The following HAAO variants were observed in gnomAD, a reference collection of about 807,000 sequenced individuals.
HAAO encodes 3-hydroxyanthranilate 3,4-dioxygenase, also known as 3-hydroxyanthranilate oxygenase.
Under a neutral mutation model 46.2 loss-of-function variants are expected in HAAO, and 49 were observed. That is an observed-to-expected ratio of 1.06 (90% confidence interval 0.84 to 1.34). The LOEUF is 1.34. Ranked by LOEUF, HAAO falls within the 40% of genes most tolerant of loss-of-function variation. The pLI, the probability that HAAO is intolerant of heterozygous loss-of-function variation, is 0.00. For missense variants in HAAO, 408 were observed against 364.5 expected, an observed-to-expected ratio of 1.12 and a Z score of -0.97; for synonymous variants, 157 against 145.2, an observed-to-expected ratio of 1.08 and a Z score of -0.58.
rs575188826 is a variant in HAAO at position 42,767,704 on chromosome 2, A to G, written c.700-27T>C. On this transcript the variant is annotated intron_variant, in intron 8 of 9. Coordinates refer to ENST00000294973, the MANE Select transcript of HAAO (RefSeq NM_012205.3). ...TGGAGAAGAGGAGCAGGAGAATCAA[A>G]TGGAGACTGTTGGGCCTCATCACCT... is the stretch of plus-strand genomic sequence containing the variant. The G allele has an allele frequency of 1.4e-5, 22 of 1,565,360 alleles. No homozygotes were observed. In the South Asian group the frequency reaches 2.5e-4, roughly 18 times the overall value.
chr2:42,774,200 T>C (rs1052865318), intron 4 of HAAO, among the ~76,000 whole-genome samples: 5 of 152,224 alleles, frequency 3.3e-5, no homozygotes, highest in African/African-American at 4.8e-5. Flanking sequence ...CCTGAGGCTG[T>C]GTCACGAGCG....
At chr2:42,770,889 T>A (rs954413254) in intron 4 of HAAO, among the ~76,000 whole-genome samples, 1 of 152,192 alleles carries the variant, frequency 6.6e-6, no homozygotes, top group Non-Finnish European at 1.5e-5. Flanking sequence ...GCTGAGCAAT[T>A]TGCCAAGGAT....
At chr2:42,771,620 C>A (rs1054117479) in intron 4 of HAAO, among the ~76,000 whole-genome samples, 2 of 152,212 alleles carry the variant, frequency 1.3e-5, no homozygotes, top group Non-Finnish European at 2.9e-5. Flanking sequence ...AAGCCCACCC[C>A]AGCCCCCAGC....
Position 42,788,593 on chromosome 2 carries a change from A to G in HAAO, c.95T>C (p.Leu32Pro), listed in dbSNP as rs767729071. Residue 32 changes from leucine (L) to proline (P), a missense_variant, in exon 2 of 10, where the codon CTC becomes CCC. Leu to Pro is a moderately conservative substitution (Grantham distance 98). Coordinates refer to ENST00000294973, the MANE Select transcript of HAAO (RefSeq NM_012205.3). The part of the protein sequence containing the change: ...VCNKLMHQEQ[L>P]KVMFIGGPNT... ...GGGGCCTCCGATGAACATGACTTTG[A>G]GCTGCTCCTGGTGCCTGCAATGCGC... The G allele has an allele frequency of 2.7e-5, 43 of 1,589,712 alleles. No individual in the cohort carries two copies. In the East Asian group the frequency reaches 9.4e-4, roughly 35 times the overall value.
intron 4 of HAAO, among the ~76,000 whole-genome samples, chr2:42,781,810 G>T (rs1672020974): frequency 1.3e-5 from 2 of 151,970 alleles, no homozygotes; most frequent in South Asian, 4.1e-4. Flanking sequence ...GGGGGCGGAG[G>T]TTGCAGTGAG....
intron 4 of HAAO, among the ~76,000 whole-genome samples, chr2:42,778,508 T>G (rs1244666261): frequency 6.6e-6 from 1 of 152,154 alleles, no homozygotes; most frequent in Non-Finnish European, 1.5e-5. Flanking sequence ...TTTTTGTATT[T>G]TTAGTAGAGA....
At chr2:42,787,640 A>G (rs1241790105) in intron 2 of HAAO, among the ~76,000 whole-genome samples, 2 of 152,034 alleles carry the variant, frequency 1.3e-5, no homozygotes, top group Non-Finnish European at 2.9e-5. Flanking sequence ...TTTATTGAAC[A>G]AGTGATTCTC....
chr2:42,781,586 T>G (rs1046125920), intron 4 of HAAO, among the ~76,000 whole-genome samples: 1 of 152,162 alleles, frequency 6.6e-6, no homozygotes, highest in African/African-American at 2.4e-5. Flanking sequence ...AAAATAATTA[T>G]TCTTGGCCAG....
At chr2:42,784,546 G>T (rs1251268108) in intron 2 of HAAO, among the ~76,000 whole-genome samples, 7 of 121,098 alleles carry the variant, frequency 5.8e-5, no homozygotes, top group African/African-American at 1.2e-4. Context: ...GCGGGGGGGG[G>T]GGTTCCTACT....
intron 4 of HAAO, among the ~76,000 whole-genome samples, chr2:42,776,231 C>CTTTTTTTTT (rs57398023): frequency 1.4e-5 from 1 of 71,198 alleles, no homozygotes; most frequent in Non-Finnish European, 2.5e-5. Context: ...TGGCATCCAT[C>CTTTTTTTTT]TTTTTTTTTT....
At chr2:42,778,887 G>A (rs1168959201) in intron 4 of HAAO, among the ~76,000 whole-genome samples, 1 of 152,150 alleles carries the variant, frequency 6.6e-6, no homozygotes, top group African/African-American at 2.4e-5. Context: ...GCTGGGGTGG[G>A]TGGATCATGT....
Position 42,792,549 on chromosome 2 carries a change from C to T in HAAO, c.-13G>A, listed in dbSNP as rs763425399. ...GGCGGCGCTCCATGACTGTCCCGGG[C>T]GCCTCCTCGCAGCGCTGTCCTCCCG... On this transcript the variant is annotated 5_prime_UTR_variant, in exon 1 of 10. Coordinates refer to ENST00000294973, the MANE Select transcript of HAAO (RefSeq NM_012205.3). 2 of 1,545,476 alleles carry T rather than the reference C, an allele frequency of 1.3e-6. No individual in the cohort carries two copies. Among genetic ancestry groups the T allele is most frequent in the Admixed American group, 2.0e-5 (1 of 49,490 alleles).
chr2:42,774,978 G>C (rs1671432093), intron 4 of HAAO, among the ~76,000 whole-genome samples: 1 of 152,150 alleles, frequency 6.6e-6, no homozygotes, highest in Non-Finnish European at 1.5e-5. Flanking sequence ...GCCGGGCACA[G>C]TGGCTCACAC....
chr2:42,783,591 T>A (rs892983036), intron 3 of HAAO, among the ~76,000 whole-genome samples, 171 bp from the exon 4 acceptor site: 3 of 152,032 alleles, frequency 2.0e-5, no homozygotes, highest in African/African-American at 7.2e-5. Context: ...CCAGAGGGAA[T>A]GTTGGACCGT....
intron 1 of HAAO, among the ~76,000 whole-genome samples, chr2:42,790,378 G>A (rs1672699734): frequency 6.6e-6 from 1 of 151,826 alleles, no homozygotes; most frequent in Admixed American, 6.6e-5. Flanking sequence ...CTTGACTGGG[G>A]AAGAGTGTGC....
At position 42,783,348 on chromosome 2, in the gene HAAO, G is replaced by C; in HGVS notation, c.316C>G (p.Arg106Gly). ...TCTAGCTCGGTCTCCAGCCGCCTTC[G>C]CTCAACCACCAGCCCCACGGTGTTG... ...FANTVGLVVE[R>G]RRLETELDGL... The change falls in exon 4 of 10, where the codon CGA (arginine) becomes GGA (glycine). Residue 106 changes from arginine (R) to glycine (G), a missense_variant. Coordinates refer to ENST00000294973, the MANE Select transcript of HAAO (RefSeq NM_012205.3). The C allele has an allele frequency of 6.2e-7, 1 of 1,612,850 alleles. No homozygotes were observed. The highest frequency in any genetic ancestry group is 8.5e-7 in the Non-Finnish European group (1 of 1,179,330).
intron 4 of HAAO, among the ~76,000 whole-genome samples, chr2:42,778,344 T>G (rs1342907665): frequency 5.9e-5 from 9 of 152,146 alleles, no homozygotes; most frequent in Non-Finnish European, 1.0e-4. Flanking sequence ...AATTTTTTTT[T>G]TTGACATGGA....
rs116251615 is a variant in HAAO, at chr2:42,791,964, G to A, written c.80+493C>T. ...TGTTCGTGCACACCTGCATAGAGGG[G>A]CCCTGAAAAAAGCAAGACATCAAGA... On this transcript the variant is annotated intron_variant, in intron 1 of 9. Coordinates refer to ENST00000294973, the MANE Select transcript of HAAO (RefSeq NM_012205.3). Among the ~76,000 whole-genome samples, 605 of 151,800 alleles carry A rather than the reference G, an allele frequency of 4.0e-3. 9 individuals are homozygous for A. Among genetic ancestry groups the A allele is most frequent in the African/African-American group, 0.014 (566 of 41,360 alleles).
At chr2:42,792,028 C>G (rs963817979) in intron 1 of HAAO, among the ~76,000 whole-genome samples, 1 of 152,120 alleles carries the variant, frequency 6.6e-6, no homozygotes, top group African/African-American at 2.4e-5. Flanking sequence ...CCCCCTTTGC[C>G]TGTGGCTTCT....
Sources: gnomAD v4.1 joint callset for allele counts (sites outside exome capture counted in the v4.1 genomes callset) on GRCh38, gnomAD v4.1.1 for gene constraint, MANE v1.5 for transcripts, NCBI Gene and HGNC (gene_info 2026-07-23, HGNC 2026-07-21) for gene names.